The following NEDD4 variants were observed in gnomAD, a reference collection of about 807,000 sequenced individuals.
The protein encoded by NEDD4 is NEDD4 E3 ubiquitin protein ligase.
Under a neutral mutation model 144.9 loss-of-function variants are expected in NEDD4, and 99 were observed. That is an observed-to-expected ratio of 0.68 (90% CI 0.58 to 0.81). The LOEUF (loss-of-function observed/expected upper bound fraction) is 0.81. NEDD4 is among the 30% of genes least tolerant of loss of function. The probability of loss-of-function intolerance (pLI) is 0.00; values close to 1 mark genes in which losing one functional copy is unlikely to be tolerated. For missense variants in NEDD4, 985 were observed against 1,065.9 expected (o/e 0.92, Z 1.06); for synonymous variants, 318 against 350.6 (o/e 0.91, Z 1.04).
rs1215377925 is a variant in NEDD4 at position 55,827,560 on chromosome 15, A to C, written c.*2337T>G. On this transcript the variant is annotated 3_prime_UTR_variant, in exon 29 of 29. Coordinates refer to ENST00000435532, the MANE Select transcript of NEDD4 (RefSeq NM_006154.4). Reference sequence around the variant, plus strand: ...AGATAGTTCACAAACATAATATTTAAATAATTGTGGCAAAATCCTGTTTTA... The same window carrying C: ...AGATAGTTCACAAACATAATATTTACATAATTGTGGCAAAATCCTGTTTTA... The C allele has an allele frequency of 6.6e-6, 1 of 152,222 alleles. No homozygotes were observed. The highest frequency in any genetic ancestry group is 2.4e-5 in the African/African-American group (1 of 41,458). The allele number at this position is 152,222 out of a possible 1,614,324, so 9.4% of individuals were successfully genotyped here.
chr15:55,943,577 AG>A (rs1372361635), intron 4 of NEDD4, among the ~76,000 whole-genome samples: 1 of 152,238 alleles, frequency 6.6e-6, no homozygotes, highest in Non-Finnish European at 1.5e-5. Flanking sequence ...AGGTGGGCAC[AG>A]GGCAAGAGCT....
At chr15:55,832,505 C>G (rs1373015214) in intron 27 of NEDD4, among the ~76,000 whole-genome samples, 1 of 152,146 alleles carries the variant, frequency 6.6e-6, no homozygotes, top group Non-Finnish European at 1.5e-5. Flanking sequence ...ACGTCCGCCT[C>G]CTGGGTTCAA....
chr15:55,959,638 A>G (rs1362023906), intron 2 of NEDD4, among the ~76,000 whole-genome samples: 10 of 152,216 alleles, frequency 6.6e-5, no homozygotes, highest in Admixed American at 2.0e-4. Context: ...ATGTGATTAC[A>G]TTACATAAGA....
intron 11 of NEDD4, among the ~76,000 whole-genome samples, chr15:55,856,820 A>G (rs909200622): frequency 1.3e-5 from 2 of 152,176 alleles, no homozygotes; most frequent in African/African-American, 2.4e-5. Flanking sequence ...ATGTTTTTCT[A>G]TACATGCTAT....
chr15:55,841,254 A>T (rs911226724), intron 19 of NEDD4, among the ~76,000 whole-genome samples: 8 of 152,168 alleles, frequency 5.3e-5, no homozygotes, highest in African/African-American at 1.9e-4. Context: ...TATATGCAAA[A>T]ATAATGGAAT....
chr15:55,939,367 T>A (rs2036953868), intron 4 of NEDD4, among the ~76,000 whole-genome samples: 1 of 152,148 alleles, frequency 6.6e-6, no homozygotes, highest in Non-Finnish European at 1.5e-5. Context: ...GTGGAGAAGG[T>A]GCCCGCTTCC....
chr15:55,949,137 G>A (rs768730883), intron 4 of NEDD4, among the ~76,000 whole-genome samples: 10 of 152,240 alleles, frequency 6.6e-5, no homozygotes, highest in East Asian at 3.9e-4. Flanking sequence ...AGAAGCGGGC[G>A]AAGGATATGA....
intron 4 of NEDD4, among the ~76,000 whole-genome samples, chr15:55,936,341 G>A (rs56331726): frequency 6.6e-6 from 1 of 151,864 alleles, no homozygotes; most frequent in African/African-American, 2.4e-5. Flanking sequence ...AAGTGCCTGA[G>A]AAATAGGTAT....
chr15:55,956,582 T>C (rs1422418413), intron 2 of NEDD4, among the ~76,000 whole-genome samples: 1 of 152,186 alleles, frequency 6.6e-6, no homozygotes, highest in Non-Finnish European at 1.5e-5. Context: ...CAGGAGCTGA[T>C]CATATATATG....
Position 55,860,547 on chromosome 15 carries a change from C to T in NEDD4, c.820G>A (p.Ala274Thr). The change falls in exon 11 of 29, where the codon GCC (alanine) becomes ACC (threonine). Residue 274 changes from alanine to threonine, a missense_variant. Ala to Thr is a moderately conservative substitution (Grantham distance 58, BLOSUM62 0). Coordinates refer to ENST00000435532, the MANE Select transcript of NEDD4 (RefSeq NM_006154.4). The part of the protein sequence containing the change: ...ENWEIIREDE[A>T]TMYSNQAFPS... Reference sequence around the variant, plus strand: ...AAGGCCTGGTTGCTATACATGGTGGCTTCATCTTCTCTTATAATTTCCCAG... The same window carrying T: ...AAGGCCTGGTTGCTATACATGGTGGTTTCATCTTCTCTTATAATTTCCCAG... 1.2e-6 allele frequency: 2 copies of T among 1,613,990 alleles called. No individual in the cohort carries two copies. The highest frequency in any genetic ancestry group is 1.7e-6 in the Non-Finnish European group (2 of 1,179,944).
intron 5 of NEDD4, among the ~76,000 whole-genome samples, chr15:55,900,856 A>C (rs1165056505): frequency 6.6e-6 from 1 of 152,202 alleles, no homozygotes; most frequent in Non-Finnish European, 1.5e-5. Context: ...AAATGTATTA[A>C]TAATATTTTG....
intron 4 of NEDD4, among the ~76,000 whole-genome samples, chr15:55,947,771 T>C (rs1257650275): frequency 6.6e-6 from 1 of 152,190 alleles, no homozygotes; most frequent in Non-Finnish European, 1.5e-5. Context: ...CTAAAAACTC[T>C]CAATAAATTA....
At chr15:55,961,739 G>A (rs1249146130) in intron 2 of NEDD4, among the ~76,000 whole-genome samples, 2 of 152,092 alleles carry the variant, frequency 1.3e-5, no homozygotes, top group Admixed American at 1.3e-4. Context: ...AAAGTGCTGG[G>A]ATTACAGATG....
In NEDD4 at chr15:55,872,480, G is replaced by T; in HGVS notation, c.343-4C>A. The T allele has an allele frequency of 7.2e-7, 1 of 1,393,458 alleles. No homozygotes were observed. Among genetic ancestry groups the T allele is most frequent in the Non-Finnish European group, 9.6e-7 (1 of 1,038,806 alleles). The allele number at this position is 1,393,458 out of a possible 1,614,324, so 86.3% of individuals were successfully genotyped here. On this transcript the variant is annotated splice_region_variant and splice_polypyrimidine_tract_variant and intron_variant, in intron 6 of 28. Transcript: ENST00000435532. ...TCTCCAATCTTGGATTTTCTGTCTAGAATAAAATAGTGGGTTTTCAAAATA... is the reference window on the plus strand; with the variant it reads ...TCTCCAATCTTGGATTTTCTGTCTATAATAAAATAGTGGGTTTTCAAAATA...
rs1364782251 is a variant in NEDD4, at chr15:55,964,313, T to TTC, written c.119+2159_119+2160insGA. ...CTGTTGTTGTTGTTGTTGTTGTTTT[T>TTC]CTCCAATCTTTGTCTCTCTCATCTC... On this transcript the variant is annotated intron_variant, in intron 2 of 28. Coordinates refer to ENST00000435532, the MANE Select transcript of NEDD4 (RefSeq NM_006154.4). Among the ~76,000 whole-genome samples the TTC allele has an allele frequency of 3.9e-5, 6 of 152,132 alleles. No homozygotes were observed. The East Asian group carries it at 9.6e-4, about 24-fold the overall frequency.
At chr15:55,925,173 T>C (rs530810133) in intron 4 of NEDD4, among the ~76,000 whole-genome samples, 50 of 152,362 alleles carry the variant, frequency 3.3e-4, no homozygotes, top group African/African-American at 1.0e-3. Flanking sequence ...AGACTAGTCA[T>C]GTGTCACTCA....
chr15:55,986,076 T>C (rs1170714472), intron 1 of NEDD4, among the ~76,000 whole-genome samples: 1 of 152,206 alleles, frequency 6.6e-6, no homozygotes, highest in Admixed American at 6.5e-5. Context: ...AAATATTTAA[T>C]GACAGTAACT....
intron 5 of NEDD4, chr15:55,916,678 T>A: frequency 6.2e-7 from 1 of 1,614,012 alleles, no homozygotes; most frequent in South Asian, 1.1e-5. Context: ...TGTCTGGGAG[T>A]CAGCTTCATT....
At chr15:55,918,201 G>A (rs965101496) in intron 5 of NEDD4, among the ~76,000 whole-genome samples, 3 of 152,104 alleles carry the variant, frequency 2.0e-5, no homozygotes, top group Non-Finnish European at 2.9e-5. Context: ...GAGAACAGTG[G>A]ACTGTTTGTC....
Sources: allele counts gnomAD v4.1 joint callset (sites outside exome capture counted in the v4.1 genomes callset), GRCh38; gene constraint gnomAD v4.1.1; transcripts MANE v1.5; gene names NCBI Gene and HGNC (gene_info 2026-07-23, HGNC 2026-07-21).